RIN2: variants seen among roughly 807,000 people sequenced by gnomAD.
RIN2 encodes RAB5 interacting protein 2.
A neutral mutation model predicts 78.0 loss-of-function variants in RIN2; 36 were observed. The ratio of observed to expected loss-of-function variants is 0.46; its 90% CI spans 0.35 to 0.61. The LOEUF (loss-of-function observed/expected upper bound fraction) is 0.61, where lower values mean the gene tolerates loss of function less well. Among genes scored for constraint, RIN2 ranks in the 20% least tolerant of loss-of-function variants. The pLI is 0.00. For missense variants in RIN2, 1,087 were observed against 1,159.7 expected, an observed-to-expected ratio of 0.94 and a Z score of 0.91; for synonymous variants, 466 against 466.8, an observed-to-expected ratio of 1.00 and a Z score of 0.02.
rs149113875 is a variant in RIN2, at chr20:19,936,021, A to C, written c.158+822A>C. Among the ~76,000 whole-genome samples, 995 of 152,326 alleles carry C rather than the reference A, an allele frequency of 6.5e-3. 17 individuals carry two copies. Among genetic ancestry groups the C allele is most frequent in the African/African-American group, 0.023 (939 of 41,578 alleles). ...AGTAGGTTTTGCCTGCAAGTCATGCAACAGGCAGGCCAGCCAGATGGTTCT... is the reference window on the plus strand; with the variant it reads ...AGTAGGTTTTGCCTGCAAGTCATGCCACAGGCAGGCCAGCCAGATGGTTCT... On this transcript the variant is annotated intron_variant, in intron 4 of 12. Transcript: ENST00000255006.
intron 3 of RIN2, among the ~76,000 whole-genome samples, chr20:19,900,601 C>A (rs1265069034): frequency 1.3e-5 from 2 of 151,234 alleles, no homozygotes; most frequent in Admixed American, 6.6e-5. Flanking sequence ...CCACCCTGGG[C>A]AACACAGGGA....
chr20:19,833,589 C>T (rs2036316337), intron 2 of RIN2, among the ~76,000 whole-genome samples: 1 of 152,260 alleles, frequency 6.6e-6, no homozygotes, highest in Non-Finnish European at 1.5e-5. Context: ...ATATTTTGCT[C>T]TCAATTACTT....
At chr20:19,767,789 G>A (rs553740224) in intron 1 of RIN2, among the ~76,000 whole-genome samples, 7 of 152,094 alleles carry the variant, frequency 4.6e-5, no homozygotes, top group African/African-American at 1.7e-4. Flanking sequence ...GCTGGGCGTG[G>A]TGGCAGGTGC....
intron 3 of RIN2, among the ~76,000 whole-genome samples, chr20:19,919,157 T>C (rs1267923971): frequency 6.6e-6 from 1 of 152,208 alleles, no homozygotes; most frequent in Non-Finnish European, 1.5e-5. Flanking sequence ...GGATGACAGA[T>C]GCCGTGCGAG....
At chr20:19,885,536 G>T in intron 2 of RIN2, among the ~76,000 whole-genome samples, 1 of 120,644 alleles carries the variant, frequency 8.3e-6, no homozygotes, top group East Asian at 2.7e-4. Flanking sequence ...GCATGATGGT[G>T]CACGCCTGTA....
intron 4 of RIN2, among the ~76,000 whole-genome samples, chr20:19,949,864 G>T (rs1273294524): frequency 6.6e-6 from 1 of 152,160 alleles, no homozygotes; most frequent in Non-Finnish European, 1.5e-5. Flanking sequence ...GCTCTGTGTC[G>T]ATGGTTTCTC....
intron 2 of RIN2, among the ~76,000 whole-genome samples, chr20:19,829,130 T>A (rs2036179321): frequency 6.6e-6 from 1 of 152,174 alleles, no homozygotes; most frequent in South Asian, 2.1e-4. Flanking sequence ...GCCACCTATA[T>A]GATGGGACGC....
intron 2 of RIN2, among the ~76,000 whole-genome samples, chr20:19,836,596 GCT>G (rs145293810): frequency 1.0e-4 from 15 of 148,596 alleles, no homozygotes; most frequent in South Asian, 4.3e-4. Flanking sequence ...GAGACCATGA[GCT>G]CTCTCTCTCT....
intron 2 of RIN2, among the ~76,000 whole-genome samples, chr20:19,858,363 A>C (rs1193595657): frequency 6.6e-6 from 1 of 152,202 alleles, no homozygotes; most frequent in African/African-American, 2.4e-5. Flanking sequence ...AAGCAGGAAG[A>C]GGCCCAACAC....
intron 2 of RIN2, among the ~76,000 whole-genome samples, chr20:19,851,581 G>T (rs2036982739): frequency 6.6e-6 from 1 of 152,092 alleles, no homozygotes; most frequent in African/African-American, 2.4e-5. Flanking sequence ...AAATCAGCTG[G>T]GCTTGGTGGT....
chr20:19,807,386 T>C (rs1600501257), intron 2 of RIN2, among the ~76,000 whole-genome samples: 1 of 152,196 alleles, frequency 6.6e-6, no homozygotes. Context: ...GTGCTAGTTT[T>C]AGTTATCACT....
intron 2 of RIN2, among the ~76,000 whole-genome samples, chr20:19,869,189 A>G (rs927217483): frequency 6.6e-6 from 1 of 151,940 alleles, no homozygotes; most frequent in Non-Finnish European, 1.5e-5. Flanking sequence ...TGCGCTGGAG[A>G]GAGGGATTAG....
At chr20:19,967,121 TA>T (rs1284528791) in intron 7 of RIN2, among the ~76,000 whole-genome samples, 9 of 152,204 alleles carry the variant, frequency 5.9e-5, no homozygotes, top group Non-Finnish European at 1.3e-4. Context: ...TATTTGGCAG[TA>T]GCATAGAAAA....
At chr20:19,821,321 T>G (rs776368172) in intron 2 of RIN2, among the ~76,000 whole-genome samples, 11 of 152,274 alleles carry the variant, frequency 7.2e-5, no homozygotes, top group Admixed American at 2.0e-4. Flanking sequence ...CACTCAAGTT[T>G]CCTAAGAGAA....
intron 7 of RIN2, among the ~76,000 whole-genome samples, chr20:19,970,608 C>A (rs1461162983): frequency 6.6e-6 from 1 of 152,132 alleles, no homozygotes; most frequent in African/African-American, 2.4e-5. Context: ...TACTTTGATA[C>A]TGAAACTATG....
At chr20:19,928,674 C>T (rs1380782127) in intron 3 of RIN2, among the ~76,000 whole-genome samples, 2 of 152,172 alleles carry the variant, frequency 1.3e-5, no homozygotes, top group Admixed American at 6.5e-5. Flanking sequence ...AGGATGCCAG[C>T]TCTTATGCAG....
At chr20:19,768,057 C>T (rs1435575525) in intron 1 of RIN2, among the ~76,000 whole-genome samples, 1 of 152,102 alleles carries the variant, frequency 6.6e-6, no homozygotes, top group Non-Finnish European at 1.5e-5. Flanking sequence ...TGGAGGACAA[C>T]TTAGGAGAGC....
chr20:19,984,688 A>C (rs774963499), intron 9 of RIN2, among the ~76,000 whole-genome samples: 2 of 152,046 alleles, frequency 1.3e-5, no homozygotes, highest in African/African-American at 2.4e-5. Flanking sequence ...AATCACTTAA[A>C]CCTGGGAGAT....
Position 19,975,435 on chromosome 20 carries a change from A to G in RIN2, c.1410A>G (p.Gln470=). 6.2e-7 allele frequency: 1 copy of G among 1,614,066 alleles called. No homozygotes were observed. Among genetic ancestry groups the G allele is most frequent in the Non-Finnish European group, 8.5e-7 (1 of 1,179,900 alleles). ...SLEDYEGESD[Q]ETMAPPIKSK... is the part of the protein sequence containing the mutation. ...AGGACTACGAGGGGGAAAGTGACCAAGAGACCATGGCGCCCCCCATCAAGT... is the reference window on the plus strand; with the variant it reads ...AGGACTACGAGGGGGAAAGTGACCAGGAGACCATGGCGCCCCCCATCAAGT... The change falls in exon 9 of 13, where the codon CAA becomes CAG. Residue 470 remains glutamine (Q), a synonymous_variant. Transcript: ENST00000255006. The surrounding 1 kb of genome is among the most constrained non-coding windows in gnomAD (Gnocchi z 4.9).
Sources: gnomAD v4.1 joint callset for allele counts (sites outside exome capture counted in the v4.1 genomes callset) on GRCh38, gnomAD v4.1.1 for gene constraint, Gnocchi (gnomAD v3.1) non-coding constraint, MANE v1.5 for transcripts, NCBI Gene and HGNC (gene_info 2026-07-23, HGNC 2026-07-21) for gene names.